The following UNC80 variants were observed in gnomAD, a reference collection of about 807,000 sequenced individuals.
UNC80 encodes protein unc-80 homolog.
Under a neutral mutation model 384.6 loss-of-function variants are expected in UNC80, and 164 were observed. The ratio of observed to expected loss-of-function variants is 0.43; its 90% CI spans 0.38 to 0.49. UNC80 has a LOEUF of 0.49. UNC80 is among the 20% of genes least tolerant of loss of function. The pLI, the probability that UNC80 is intolerant of heterozygous loss-of-function variation, is 0.00. For missense variants in UNC80, 3,330 were observed against 4,143.0 expected, an observed-to-expected ratio of 0.80 and a Z score of 5.39; for synonymous variants, 1,486 against 1,527.8, an observed-to-expected ratio of 0.97 and a Z score of 0.64.
intron 36 of UNC80, among the ~76,000 whole-genome samples, chr2:209,927,809 G>A (rs1247267587): frequency 2.0e-5 from 3 of 151,880 alleles, no homozygotes; most frequent in Admixed American, 6.6e-5. Context: ...ACAATCATGA[G>A]GGCTGTATAA....
chr2:209,870,596 T>C (rs1483055483), intron 22 of UNC80, among the ~76,000 whole-genome samples: 1 of 152,206 alleles, frequency 6.6e-6, no homozygotes, highest in Non-Finnish European at 1.5e-5. Flanking sequence ...GTGTTCATCT[T>C]GCATTCTGTC....
intron 15 of UNC80, among the ~76,000 whole-genome samples, chr2:209,829,635 C>T (rs1273023187): frequency 6.6e-6 from 1 of 152,086 alleles, no homozygotes; most frequent in African/African-American, 2.4e-5. Flanking sequence ...GAGTTCTCAC[C>T]TAGCCCTTCA....
chr2:209,943,587 T>A, intron 45 of UNC80, 73 bp downstream of exon 45: 1 of 1,517,102 alleles, frequency 6.6e-7, no homozygotes. Context: ...TATTAGAGCT[T>A]ACTATGGCAA....
At chr2:209,805,993 A>C (rs2078871596) in intron 7 of UNC80, among the ~76,000 whole-genome samples, 1 of 152,204 alleles carries the variant, frequency 6.6e-6, no homozygotes, top group South Asian at 2.1e-4. Context: ...ATATTTTTTC[A>C]CATCAATTGT....
intron 47 of UNC80, among the ~76,000 whole-genome samples, chr2:209,950,628 G>A (rs377541959): frequency 1.7e-3 from 262 of 150,060 alleles, no homozygotes; most frequent in African/African-American, 6.1e-3. Flanking sequence ...GCACAATCTC[G>A]GCTCACAGCG....
At chr2:209,992,337 C>A in intron 62 of UNC80, 90 bp downstream of exon 62, 3 of 1,268,152 alleles carry the variant, frequency 2.4e-6, no homozygotes, top group Non-Finnish European at 3.3e-6. Context: ...AGATATTTTG[C>A]TGCTGGACGT....
intron 29 of UNC80, among the ~76,000 whole-genome samples, chr2:209,908,520 A>T (rs1187950486): frequency 6.6e-6 from 1 of 152,230 alleles, no homozygotes; most frequent in East Asian, 1.9e-4. Context: ...CTATGTTATA[A>T]ATAGGATAAA....
At chr2:209,971,639 T>G (rs954915277) in intron 54 of UNC80, among the ~76,000 whole-genome samples, 3 of 152,214 alleles carry the variant, frequency 2.0e-5, no homozygotes, top group African/African-American at 7.2e-5. Flanking sequence ...TGGCTCATCA[T>G]CCAGAGAATG....
At position 209,817,853 on chromosome 2, in the gene UNC80, A is replaced by C; in HGVS notation, c.1594A>C (p.Met532Leu). The change falls in exon 11 of 65, where the codon ATG becomes CTG. Residue 532 changes from methionine to leucine, a missense_variant. Physicochemically the swap from Met to Leu is conservative, Grantham distance 15 (BLOSUM62 2). Around this residue, in one of 8 missense-constraint regions of UNC80, gnomAD observed 937 missense variants for 1,026.8 expected, o/e 0.91. Coordinates refer to ENST00000673920, the MANE Select transcript of UNC80 (RefSeq NM_001371986.1). Reference protein sequence around the residue: ...RRGSSDAATEMESLSARHSHS... With the variant: ...RRGSSDAATELESLSARHSHS... ...AGGCAGTTCAGATGCAGCCACTGAG[A>C]TGGAGAGTCTGAGCGCCAGGCATTC... The C allele has an allele frequency of 6.4e-7, 1 of 1,551,644 alleles. No homozygotes were observed. Among genetic ancestry groups the C allele is most frequent in the Non-Finnish European group, 8.7e-7 (1 of 1,146,982 alleles).
intron 38 of UNC80, among the ~76,000 whole-genome samples, chr2:209,932,288 G>T (rs113819728): frequency 6.6e-6 from 1 of 152,238 alleles, no homozygotes; most frequent in African/African-American, 2.4e-5. Flanking sequence ...GCCTATGGCC[G>T]TTCTATCTGG....
intron 42 of UNC80, among the ~76,000 whole-genome samples, chr2:209,938,019 G>T (rs2091365622): frequency 6.6e-6 from 1 of 151,550 alleles, no homozygotes; most frequent in African/African-American, 2.4e-5. Flanking sequence ...AGTAAAAGGG[G>T]TCACTCTAGT....
At chr2:209,869,220 A>G (rs1470331664) in intron 22 of UNC80, 2 of 152,118 alleles carry the variant, frequency 1.3e-5, no homozygotes, top group African/African-American at 4.8e-5. Context: ...TTCAGATTGC[A>G]CTGAGCCATA....
intron 28 of UNC80, among the ~76,000 whole-genome samples, chr2:209,897,345 T>C (rs753328591): frequency 2.8e-4 from 43 of 152,202 alleles, no homozygotes; most frequent in Non-Finnish European, 5.4e-4. Flanking sequence ...GACGCTACTC[T>C]TCCCTGACGG....
intron 6 of UNC80, among the ~76,000 whole-genome samples, chr2:209,792,444 T>A (rs919480051): frequency 1.3e-5 from 2 of 152,230 alleles, no homozygotes; most frequent in African/African-American, 4.8e-5. Flanking sequence ...GCCTCCCGGG[T>A]TCATGCCATT....
At chr2:209,790,131 T>C (rs2077705740) in intron 6 of UNC80, among the ~76,000 whole-genome samples, 1 of 152,098 alleles carries the variant, frequency 6.6e-6, no homozygotes, top group Non-Finnish European at 1.5e-5. Context: ...AAATATGATA[T>C]AAGATGCAGA....
intron 25 of UNC80, among the ~76,000 whole-genome samples, chr2:209,886,339 A>C (rs568613647): frequency 6.6e-6 from 1 of 151,858 alleles, no homozygotes; most frequent in African/African-American, 2.4e-5. Context: ...ACACTTTGGG[A>C]GGCTGAGGTG....
chr2:209,842,998 C>T (rs1405890456), intron 21 of UNC80, among the ~76,000 whole-genome samples: 1 of 152,058 alleles, frequency 6.6e-6, no homozygotes, highest in Non-Finnish European at 1.5e-5. Flanking sequence ...ATCACATACA[C>T]TCTCACACAC....
chr2:209,881,077 C>T lies in UNC80; in HGVS notation c.4093C>T (p.Arg1365Cys), dbSNP rs1300416816. Residue 1365 changes from arginine to cysteine, a missense_variant, in exon 25 of 65, where the codon CGC (arginine) becomes TGC (cysteine). By Grantham distance (180) the Arg-to-Cys change is radical. This residue lies in a region of UNC80 where 801 missense variants were observed against 950.8 expected (regional missense o/e 0.84). Transcript: ENST00000673920. Reference protein sequence around the residue: ...RETFSCLPRPRTEPLVDLESC... With the variant: ...RETFSCLPRPCTEPLVDLESC... ...GACCTTTTCTTGCCTGCCCAGACCT[C>T]GCACTGAGCCTCTGGTGGTAAGTTA... 1.9e-6 allele frequency: 3 copies of T among 1,551,626 alleles called. No individual in the cohort carries two copies. Among genetic ancestry groups the T allele is most frequent in the Admixed American group, 2.0e-5 (1 of 50,994 alleles).
intron 51 of UNC80, among the ~76,000 whole-genome samples, chr2:209,960,120 A>G (rs2092544640): frequency 6.6e-6 from 1 of 152,184 alleles, no homozygotes; most frequent in South Asian, 2.1e-4. Context: ...TTCTGCTTCT[A>G]GGGTCCCTAA....
Sources: allele counts gnomAD v4.1 joint callset (sites outside exome capture counted in the v4.1 genomes callset), GRCh38; gene constraint gnomAD v4.1.1; regional missense constraint gnomAD v4.1.1; transcripts MANE v1.5; gene names NCBI Gene and HGNC (gene_info 2026-07-23, HGNC 2026-07-21).